CADM1: variants seen among roughly 807,000 people sequenced by gnomAD.
CADM1 encodes the protein TSLC-1.
In CADM1, 15 loss-of-function variants were observed where a neutral mutation model predicts 53.1. That is an observed-to-expected ratio of 0.28 (90% CI 0.19 to 0.44). The LOEUF is 0.44. Ranked by LOEUF, CADM1 falls within the 20% of genes least tolerant of loss-of-function variation. The pLI is 1.00. For missense variants in CADM1, 434 were observed against 611.3 expected, an observed-to-expected ratio of 0.71 and a Z score of 3.06; for synonymous variants, 281 against 243.0, an observed-to-expected ratio of 1.16 and a Z score of -1.45.
intron 1 of CADM1, among the ~76,000 whole-genome samples, chr11:115,279,103 C>T (rs796959235): frequency 6.6e-6 from 1 of 152,198 alleles, no homozygotes; most frequent in Non-Finnish European, 1.5e-5. Flanking sequence ...TCAGAGACCA[C>T]TGGTAAGACG....
Position 115,381,242 on chromosome 11 carries a change from C to T in CADM1, c.124+123029G>A, listed in dbSNP as rs573620464. On this transcript the variant is annotated intron_variant, in intron 1 of 11. Coordinates refer to ENST00000331581, the MANE Select transcript of CADM1 (RefSeq NM_001301043.2). ...CTCGGGGGTGGAGGTTGCAGTGAGC[C>T]GAGATGGCGCCACTGCACTGTAGCC... Among the ~76,000 whole-genome samples the T allele has an allele frequency of 5.3e-5, 8 of 150,484 alleles. No individual in the cohort carries two copies. In the East Asian group the frequency reaches 7.8e-4, roughly 15 times the overall value.
chr11:115,399,218 G>A (rs749594069), intron 1 of CADM1: 13 of 152,110 alleles, frequency 8.5e-5, no homozygotes, highest in Non-Finnish European at 1.0e-4. Flanking sequence ...GTATCCTTAC[G>A]AAAATCCAGT....
chr11:115,480,844 A>G (rs1226142722), intron 1 of CADM1, among the ~76,000 whole-genome samples: 1 of 152,100 alleles, frequency 6.6e-6, no homozygotes, highest in East Asian at 1.9e-4. Flanking sequence ...GTGCAATCTT[A>G]TCTACATCCA....
intron 1 of CADM1, among the ~76,000 whole-genome samples, chr11:115,480,831 A>C (rs1339942257): frequency 6.6e-6 from 1 of 152,096 alleles, no homozygotes; most frequent in Non-Finnish European, 1.5e-5. Context: ...TCAGCCCTGC[A>C]GGGTGCAATC....
intron 1 of CADM1, among the ~76,000 whole-genome samples, chr11:115,456,321 C>T (rs529847455): frequency 6.6e-6 from 1 of 151,234 alleles, no homozygotes; most frequent in Non-Finnish European, 1.5e-5. Flanking sequence ...AAAAAAAAAA[C>T]TGCATATAAA....
At chr11:115,240,974 G>A (rs1442972936) in intron 1 of CADM1, 1 of 156,704 alleles carries the variant, frequency 6.4e-6, no homozygotes, top group Non-Finnish European at 1.4e-5. Context: ...ATGAAATCCT[G>A]GGAAGGCTTA....
intron 1 of CADM1, among the ~76,000 whole-genome samples, chr11:115,379,327 A>C (rs1946518551): frequency 6.6e-6 from 1 of 152,336 alleles, no homozygotes; most frequent in East Asian, 1.9e-4. Flanking sequence ...GTTTATCTTC[A>C]ATTAAAATAT....
At chr11:115,276,440 T>A (rs893225304) in intron 1 of CADM1, among the ~76,000 whole-genome samples, 1 of 152,150 alleles carries the variant, frequency 6.6e-6, no homozygotes, top group Non-Finnish European at 1.5e-5. Flanking sequence ...AATCTCTTTG[T>A]AGAATACATT....
chr11:115,340,752 C>T (rs1188908441), intron 1 of CADM1, among the ~76,000 whole-genome samples: 1 of 146,258 alleles, frequency 6.8e-6, no homozygotes, highest in Non-Finnish European at 1.5e-5. Flanking sequence ...CCTCTGCCTC[C>T]CGGGTTCAAG....
chr11:115,290,641 A>C (rs1013073248), intron 1 of CADM1, among the ~76,000 whole-genome samples: 1 of 152,204 alleles, frequency 6.6e-6, no homozygotes, highest in African/African-American at 2.4e-5. Context: ...GACAAAATAA[A>C]ACACACACTG....
intron 1 of CADM1, among the ~76,000 whole-genome samples, chr11:115,301,865 T>C (rs1452922480): frequency 6.6e-6 from 1 of 152,114 alleles, no homozygotes; most frequent in African/African-American, 2.4e-5. Flanking sequence ...TCACAGATCA[T>C]GAGGAAGTTT....
At chr11:115,476,399 G>A (rs1346026845) in intron 1 of CADM1, among the ~76,000 whole-genome samples, 4 of 152,252 alleles carry the variant, frequency 2.6e-5, no homozygotes, top group Admixed American at 2.6e-4. Flanking sequence ...TAGAATGATT[G>A]GTGATTTGTT....
Position 115,231,586 on chromosome 11 carries a change from T to A in CADM1, c.425-96A>T. 7 of 1,166,284 alleles carry A rather than the reference T, an allele frequency of 6.0e-6. No individual in the cohort carries two copies. In the South Asian group the frequency reaches 8.6e-5, roughly 14 times the overall value. 72.2% of individuals were successfully genotyped at this position (1,166,284 alleles called of 1,614,324 possible). A position where few individuals can be genotyped will look rare whatever the true frequency, so the allele number is the denominator to read the frequency against. On this transcript the variant is annotated intron_variant, in intron 3 of 11. Coordinates refer to ENST00000331581, the MANE Select transcript of CADM1 (RefSeq NM_001301043.2). ...AAACAGTAGACATTCCTGATGGGAATTTAAATCATCACAAGAGGCGAAAAA... is the reference window on the plus strand; with the variant it reads ...AAACAGTAGACATTCCTGATGGGAAATTAAATCATCACAAGAGGCGAAAAA...
intron 1 of CADM1, among the ~76,000 whole-genome samples, chr11:115,332,081 T>C (rs1945146141): frequency 6.6e-6 from 1 of 152,160 alleles, no homozygotes; most frequent in Admixed American, 6.5e-5. Flanking sequence ...TCTCAAAGAA[T>C]ACTATGTGAG....
Position 115,174,064 on chromosome 11 carries a change from T to C in CADM1, c.*2410A>G. 2 of 981,076 alleles carry C rather than the reference T, an allele frequency of 2.0e-6. No homozygotes were observed. The highest frequency in any genetic ancestry group is 2.4e-6 in the Non-Finnish European group (2 of 826,180). The allele number at this position is 981,076 out of a possible 1,614,324, so 60.8% of individuals were successfully genotyped here. ...AATTTCCTGTTTTTGCTTTGTTTTA[T>C]TATTATTTTTTCCAATGTGTGGGGC... On this transcript the variant is annotated 3_prime_UTR_variant, in exon 12 of 12. Transcript: ENST00000331581.
At chr11:115,413,910 TG>T (rs1323074737) in intron 1 of CADM1, among the ~76,000 whole-genome samples, 1 of 152,154 alleles carries the variant, frequency 6.6e-6, no homozygotes, top group African/African-American at 2.4e-5. Flanking sequence ...CCCAAAGTGC[TG>T]GGATTACAGG....
At chr11:115,176,977 G>C (rs1939065668) in intron 11 of CADM1, among the ~76,000 whole-genome samples, 1 of 152,170 alleles carries the variant, frequency 6.6e-6, no homozygotes, top group Non-Finnish European at 1.5e-5. Flanking sequence ...AAAGACCAAA[G>C]CAAGGAAGAG....
At chr11:115,200,987 C>T (rs976048006) in intron 8 of CADM1, among the ~76,000 whole-genome samples, 2 of 152,282 alleles carry the variant, frequency 1.3e-5, no homozygotes, top group East Asian at 1.9e-4. Flanking sequence ...GGCGTCTGCT[C>T]CTAGGTGAGT....
chr11:115,200,658 G>T (rs1382336197), intron 8 of CADM1, among the ~76,000 whole-genome samples: 2 of 152,202 alleles, frequency 1.3e-5, no homozygotes, highest in African/African-American at 4.8e-5. Flanking sequence ...ACCACGCCTG[G>T]CTAATTTTGT....
Sources: allele counts gnomAD v4.1 joint callset (sites outside exome capture counted in the v4.1 genomes callset), GRCh38; gene constraint gnomAD v4.1.1; transcripts MANE v1.5; gene names NCBI Gene and HGNC (gene_info 2026-07-23, HGNC 2026-07-21).